NSL1: variants seen among roughly 807,000 people sequenced by gnomAD.
NSL1 encodes NSL1 component of MIS12 kinetochore complex.
A neutral mutation model predicts 25.4 loss-of-function variants in NSL1; 11 were observed. The observed-to-expected ratio is 0.43, with a 90% CI of 0.27 to 0.72. The LOEUF is 0.72. Among genes scored for constraint, NSL1 ranks in the 30% least tolerant of loss-of-function variants. The probability of loss-of-function intolerance (pLI) is 0.19; values close to 1 mark genes in which losing one functional copy is unlikely to be tolerated. For synonymous variants in NSL1, 118 were observed against 120.6 expected, an observed-to-expected ratio of 0.98 and a Z score of 0.14; for missense variants, 330 against 342.7, an observed-to-expected ratio of 0.96 and a Z score of 0.29.
chr1:212,735,574 T>TC lies in NSL1; in HGVS notation c.*2833dup. Reference sequence around the variant, plus strand: ...TTGTGTTATGGACTCAATGTTTGTGTCCCCCTAAAATCTGTATGATGAAGC... The same window carrying TC: ...TTGTGTTATGGACTCAATGTTTGTGTCCCCCCTAAAATCTGTATGATGAAGC... On this transcript the variant is annotated 3_prime_UTR_variant, in exon 6 of 6. Coordinates refer to ENST00000366977, the MANE Select transcript of NSL1 (RefSeq NM_015471.4). The TC allele has an allele frequency of 1.0e-6, 1 of 980,742 alleles. No homozygotes were observed. 60.8% of individuals were successfully genotyped at this position (980,742 alleles called of 1,614,324 possible).
intron 1 of NSL1, among the ~76,000 whole-genome samples, chr1:212,789,027 G>T (rs1296033567): frequency 1.3e-5 from 2 of 152,126 alleles, no homozygotes; most frequent in Non-Finnish European, 2.9e-5. Flanking sequence ...AGAGGGATGG[G>T]GAAGGGGAAC....
In NSL1 at chr1:212,726,218, A is replaced by G. The variant is rs1014874630; in HGVS notation, c.*12190T>C. The G allele has an allele frequency of 3.9e-5, 6 of 152,222 alleles. No individual in the cohort carries two copies. Among genetic ancestry groups the G allele is most frequent in the Non-Finnish European group, 5.9e-5 (4 of 68,052 alleles). 9.4% of individuals were successfully genotyped at this position (152,222 alleles called of 1,614,324 possible). On this transcript the variant is annotated 3_prime_UTR_variant, in exon 6 of 6. Transcript: ENST00000366977. ...CAGCCTCTCACATCAGTGGGGGAAAAGAGGTACTATTCAATAAATGGTGTC... is the reference window on the plus strand; with the variant it reads ...CAGCCTCTCACATCAGTGGGGGAAAGGAGGTACTATTCAATAAATGGTGTC...
intron 4 of NSL1, among the ~76,000 whole-genome samples, chr1:212,779,606 G>A (rs1558062170): frequency 1.6e-5 from 2 of 123,452 alleles, no homozygotes; most frequent in Admixed American, 7.5e-5. Context: ...GGAGGGAGGT[G>A]GGGGGGTCAG....
At position 212,735,853 on chromosome 1, in the gene NSL1, C is replaced by T. The variant is rs1011538373; in HGVS notation, c.*2555G>A. The T allele has an allele frequency of 1.3e-6, 1 of 741,916 alleles. No homozygotes were observed. The highest frequency in any genetic ancestry group is 1.9e-5 in the African/African-American group (1 of 52,536). The allele number at this position is 741,916 out of a possible 1,614,324, so 46.0% of individuals were successfully genotyped here. ...CCTCACCAGAAACTGCATTTGCCAG[C>T]ACCTTCTCATGGACTTCTAGCCTCC... On this transcript the variant is annotated 3_prime_UTR_variant, in exon 6 of 6. Transcript: ENST00000366977.
At position 212,732,785 on chromosome 1, in the gene NSL1, A is replaced by AT. The variant is rs149796062; in HGVS notation, c.*5622dup. The AT allele has an allele frequency of 5.5e-5, 14 of 254,098 alleles. No homozygotes were observed. The highest frequency in any genetic ancestry group is 8.7e-5 in the Non-Finnish European group (14 of 161,704). 15.7% of individuals were successfully genotyped at this position (254,098 alleles called of 1,614,324 possible). A position where few individuals can be genotyped will look rare whatever the true frequency, so the allele number is the denominator to read the frequency against. On this transcript the variant is annotated 3_prime_UTR_variant, in exon 6 of 6. Transcript: ENST00000366977. ...CCCCAAACGGGATGCCTTGGAGGTA[A>AT]TTTTTTTTGACGCTTTGCATATCTG...
rs1046762034 is a variant in NSL1 at position 212,729,637 on chromosome 1, C to T, written c.*8771G>A. The T allele has an allele frequency of 1.0e-6, 1 of 985,282 alleles. No homozygotes were observed. Among genetic ancestry groups the T allele is most frequent in the African/African-American group, 1.7e-5 (1 of 57,212 alleles). 61.0% of individuals were successfully genotyped at this position (985,282 alleles called of 1,614,324 possible). On this transcript the variant is annotated 3_prime_UTR_variant, in exon 6 of 6. Coordinates refer to ENST00000366977, the MANE Select transcript of NSL1 (RefSeq NM_015471.4). ...AGGGCATAGACAGAATATGACAAGT[C>T]AGAGAGAATTCGAACACTTATTTTA...
rs1329675607 is a variant in NSL1, at chr1:212,737,280, T to C, written c.*1128A>G. On this transcript the variant is annotated 3_prime_UTR_variant, in exon 6 of 6. Transcript: ENST00000366977. ...AAGTGGCTTTATAAGTTTTCTTCAC[T>C]GAGACAGACCTTCTGGTGACTTCTG... is the stretch of plus-strand genomic sequence containing the variant. The C allele has an allele frequency of 1.0e-6, 1 of 984,720 alleles. No individual in the cohort carries two copies. 61.0% of individuals were successfully genotyped at this position (984,720 alleles called of 1,614,324 possible). A position where few individuals can be genotyped will look rare whatever the true frequency, so the allele number is the denominator to read the frequency against.
In NSL1 at chr1:212,733,358, G is replaced by A. The variant is rs572782907; in HGVS notation, c.*5050C>T. ...AAGGTGGGAGGATGGCTTGAGTTGC[G>A]GGGGCAGAGGTTGCAGTAAGCCAAG... On this transcript the variant is annotated 3_prime_UTR_variant, in exon 6 of 6. Transcript: ENST00000366977. Among the ~76,000 whole-genome samples the A allele has an allele frequency of 2.5e-4, 38 of 151,794 alleles. No homozygotes were observed. Among genetic ancestry groups the A allele is most frequent in the Middle Eastern group, 3.4e-3 (1 of 294 alleles).
chr1:212,729,218 C>T lies in NSL1; in HGVS notation c.*9190G>A, dbSNP rs1007031628. On this transcript the variant is annotated 3_prime_UTR_variant, in exon 6 of 6. Transcript: ENST00000366977. ...ACCCATGAGTTTCACTCTCAGGTTCCCTCTAGGAGCAGAAGTGCAGGTTTG... is the reference window on the plus strand; with the variant it reads ...ACCCATGAGTTTCACTCTCAGGTTCTCTCTAGGAGCAGAAGTGCAGGTTTG... 2.0e-6 allele frequency: 2 copies of T among 985,282 alleles called. No individual in the cohort carries two copies. The highest frequency in any genetic ancestry group is 2.4e-6 in the Non-Finnish European group (2 of 829,940). The allele number at this position is 985,282 out of a possible 1,614,324, so 61.0% of individuals were successfully genotyped here. A position where few individuals can be genotyped will look rare whatever the true frequency, so the allele number is the denominator to read the frequency against.
At chr1:212,784,284 T>C (rs1660849375) in intron 3 of NSL1, 79 bp downstream of exon 3, 1 of 940,296 alleles carries the variant, frequency 1.1e-6, no homozygotes, top group Admixed American at 2.5e-5. Flanking sequence ...ATGTCACTTA[T>C]CTCCACGTAG....
intron 4 of NSL1, among the ~76,000 whole-genome samples, chr1:212,766,561 T>C (rs952042154): frequency 1.2e-4 from 18 of 148,948 alleles, no homozygotes; most frequent in Admixed American, 8.1e-4. Context: ...AGGAGAATGG[T>C]GTGAACCTGG....
Position 212,736,649 on chromosome 1 carries a change from G to C in NSL1, c.*1759C>G. On this transcript the variant is annotated 3_prime_UTR_variant, in exon 6 of 6. Transcript: ENST00000366977. Reference sequence around the variant, plus strand: ...GGAGTAAAACTTTGGGCTCTCAAGAGGATTTCAAATCTCAGCTGTCTGCCT... The same window carrying C: ...GGAGTAAAACTTTGGGCTCTCAAGACGATTTCAAATCTCAGCTGTCTGCCT... 1.0e-6 allele frequency: 1 copy of C among 985,098 alleles called. No homozygotes were observed. Among genetic ancestry groups the C allele is most frequent in the Non-Finnish European group, 1.2e-6 (1 of 829,664 alleles). The allele number at this position is 985,098 out of a possible 1,614,324, so 61.0% of individuals were successfully genotyped here. A position where few individuals can be genotyped will look rare whatever the true frequency, so the allele number is the denominator to read the frequency against.
In NSL1 at chr1:212,729,409, G is replaced by A. The variant is rs112102136; in HGVS notation, c.*8999C>T. 3,342 of 983,748 alleles carry A rather than the reference G, an allele frequency of 3.4e-3. 6 individuals are homozygous for A. Among genetic ancestry groups the A allele is most frequent in the Non-Finnish European group, 3.9e-3 (3,216 of 828,420 alleles). 60.9% of individuals were successfully genotyped at this position (983,748 alleles called of 1,614,324 possible). A position where few individuals can be genotyped will look rare whatever the true frequency, so the allele number is the denominator to read the frequency against. ...TCTTAGCACAGTATTTAGATTCATC[G>A]AGTATGTGTGTAATAAAAGGTGTGG... On this transcript the variant is annotated 3_prime_UTR_variant, in exon 6 of 6. Coordinates refer to ENST00000366977, the MANE Select transcript of NSL1 (RefSeq NM_015471.4).
chr1:212,739,767 G>A (rs907332564), intron 4 of NSL1, among the ~76,000 whole-genome samples, 166 bp from the exon 5 acceptor site: 4 of 152,130 alleles, frequency 2.6e-5, no homozygotes, highest in Admixed American at 2.6e-4. Flanking sequence ...TATAATAATA[G>A]AGTAAAACTA....
intron 4 of NSL1, among the ~76,000 whole-genome samples, chr1:212,746,573 T>C (rs978201632): frequency 1.6e-4 from 24 of 152,154 alleles, no homozygotes; most frequent in African/African-American, 5.8e-4. Flanking sequence ...AACTTTCCAA[T>C]TAAAGACAAA....
chr1:212,770,138 G>A (rs966604941), intron 4 of NSL1, among the ~76,000 whole-genome samples: 1 of 151,960 alleles, frequency 6.6e-6, no homozygotes, highest in African/African-American at 2.4e-5. Context: ...TTCAGAAAGA[G>A]GATATAATAA....
chr1:212,736,594 T>C lies in NSL1; in HGVS notation c.*1814A>G. On this transcript the variant is annotated 3_prime_UTR_variant, in exon 6 of 6. Transcript: ENST00000366977. The stretch of plus-strand genomic sequence containing the variant: ...TAATACGTACTGTCTTTCCCAGTGG[T>C]ATTTCTATTTTAAACTCTGCTATAA... 1.0e-6 allele frequency: 1 copy of C among 985,404 alleles called. No homozygotes were observed. The highest frequency in any genetic ancestry group is 1.7e-5 in the African/African-American group (1 of 57,360). 61.0% of individuals were successfully genotyped at this position (985,404 alleles called of 1,614,324 possible). A position where few individuals can be genotyped will look rare whatever the true frequency, so the allele number is the denominator to read the frequency against.
In NSL1 at chr1:212,726,946, A is replaced by G; in HGVS notation, c.*11462T>C. 1.9e-6 allele frequency: 1 copy of G among 520,936 alleles called. No homozygotes were observed. Among genetic ancestry groups the G allele is most frequent in the Non-Finnish European group, 3.3e-6 (1 of 307,064 alleles). 32.3% of individuals were successfully genotyped at this position (520,936 alleles called of 1,614,324 possible). On this transcript the variant is annotated 3_prime_UTR_variant, in exon 6 of 6. Transcript: ENST00000366977. ...ACGGACTTTCCCGTCCTGTCTCTTC[A>G]TGGTGGGTGAAGAGCACAGGGAGAG...
At position 212,769,147 on chromosome 1, in the gene NSL1, T is replaced by C. The variant is rs146290641; in HGVS notation, c.499+13225A>G. On this transcript the variant is annotated intron_variant, in intron 4 of 5. Transcript: ENST00000366977. ...CATAAACTGGCCAAATATTTGCATTTTGGGTGTTGTAGAGGGAGAAGGGAT... is the reference window on the plus strand; with the variant it reads ...CATAAACTGGCCAAATATTTGCATTCTGGGTGTTGTAGAGGGAGAAGGGAT... 1.6e-3 allele frequency among the ~76,000 whole-genome samples: 246 copies of C among 151,934 alleles called. 1 individual carries two copies. The highest frequency in any genetic ancestry group is 2.9e-3 in the Non-Finnish European group (195 of 67,994).
Sources: gnomAD v4.1 joint callset for allele counts (sites outside exome capture counted in the v4.1 genomes callset) on GRCh38, gnomAD v4.1.1 for gene constraint, MANE v1.5 for transcripts, NCBI Gene and HGNC (gene_info 2026-07-23, HGNC 2026-07-21) for gene names.